EGFR: variants seen among roughly 807,000 people sequenced by gnomAD.
EGFR encodes avian erythroblastic leukemia viral (v-erb-b) oncogene homolog.
In EGFR, 58 loss-of-function variants were observed where a neutral mutation model predicts 143.0. The observed-to-expected ratio is 0.41, with a 90% CI of 0.33 to 0.50. EGFR has a LOEUF of 0.50. Among genes scored for constraint, EGFR ranks in the 20% least tolerant of loss-of-function variants. The probability of loss-of-function intolerance (pLI) is 0.39; values close to 1 mark genes in which losing one functional copy is unlikely to be tolerated. For synonymous variants in EGFR, 613 were observed against 594.4 expected (o/e 1.03, Z -0.45); for missense variants, 1,307 against 1,579.0 (o/e 0.83, Z 2.92).
Position 55,172,045 on chromosome 7 carries a change from C to A in EGFR, c.1919+832C>A, listed in dbSNP as rs17337044. On this transcript the variant is annotated intron_variant, in intron 16 of 27. Transcript: ENST00000275493. ...ACTTCAAAAAGACTGGGTCCCCTTC[C>A]ACTCCCATCTCTTCAGTGAGCTGCT... 2.0e-3 allele frequency among the ~76,000 whole-genome samples: 307 copies of A among 152,304 alleles called. 2 individuals carry two copies. Among genetic ancestry groups the A allele is most frequent in the African/African-American group, 6.5e-3 (270 of 41,552 alleles).
At position 55,152,645 on chromosome 7, in the gene EGFR, C is replaced by G. The variant is rs2128933872; in HGVS notation, c.728C>G (p.Pro243Arg). Residue 243 changes from proline (P) to arginine (R), a missense_variant, in exon 6 of 28, where the codon CCC becomes CGC. Pro to Arg is a moderately radical substitution (Grantham distance 103). This residue lies in a region of EGFR where 311 missense variants were observed against 412.3 expected (regional missense o/e 0.75). Coordinates refer to ENST00000275493, the MANE Select transcript of EGFR (RefSeq NM_005228.5). ...CAGTGTGCTGCAGGCTGCACAGGCC[C>G]CCGGGAGAGCGACTGCCTGGTAAGA... ...HNQCAAGCTG[P>R]RESDCLVCRK... 6.2e-7 allele frequency: 1 copy of G among 1,613,652 alleles called. No individual in the cohort carries two copies. The highest frequency in any genetic ancestry group is 8.5e-7 in the Non-Finnish European group (1 of 1,180,002).
chr7:55,079,324 G>A (rs549036921), intron 1 of EGFR, among the ~76,000 whole-genome samples: 4 of 152,354 alleles, frequency 2.6e-5, no homozygotes, highest in East Asian at 1.9e-4. Context: ...TGTGCAGCGG[G>A]GAAGAGGGGC....
At chr7:55,100,036 C>T (rs1366083207) in intron 1 of EGFR, among the ~76,000 whole-genome samples, 2 of 152,202 alleles carry the variant, frequency 1.3e-5, no homozygotes, top group Non-Finnish European at 2.9e-5. Flanking sequence ...CAGCAGACTG[C>T]CGCCAGTCTT....
chr7:55,060,498 T>G (rs1789103400), intron 1 of EGFR, among the ~76,000 whole-genome samples: 1 of 152,174 alleles, frequency 6.6e-6, no homozygotes, highest in Admixed American at 6.5e-5. Flanking sequence ...ACATCTTAAG[T>G]TGATTTTTTC....
chr7:55,194,845 C>A (rs1787552829), intron 22 of EGFR, among the ~76,000 whole-genome samples: 1 of 152,256 alleles, frequency 6.6e-6, no homozygotes, highest in African/African-American at 2.4e-5. Context: ...CTGGCCTAGG[C>A]AGCCCACTGG....
chr7:55,109,022 T>C (rs1792304900), intron 1 of EGFR, among the ~76,000 whole-genome samples: 1 of 152,146 alleles, frequency 6.6e-6, no homozygotes, highest in African/African-American at 2.4e-5. Flanking sequence ...TCAGTGAGAC[T>C]GCAATAGAGT....
At chr7:55,055,521 A>G (rs17289099) in intron 1 of EGFR, among the ~76,000 whole-genome samples, 16,716 of 152,190 alleles carry the variant, frequency 0.11, 1,992 homozygotes, top group African/African-American at 0.29. Flanking sequence ...TCAGCCCACC[A>G]GCAAGATTTA....
chr7:55,135,905 A>AT (rs1562746960), intron 1 of EGFR, among the ~76,000 whole-genome samples: 1 of 152,130 alleles, frequency 6.6e-6, no homozygotes, highest in Non-Finnish European at 1.5e-5. Flanking sequence ...TTTTTTACAG[A>AT]TTTTTTTAAA....
intron 1 of EGFR, among the ~76,000 whole-genome samples, chr7:55,133,375 T>C (rs1793962443): frequency 6.6e-6 from 1 of 152,140 alleles, no homozygotes; most frequent in Non-Finnish European, 1.5e-5. Flanking sequence ...CCTTGGCACC[T>C]TTCTACTGCC....
chr7:55,163,896 G>A, intron 14 of EGFR, 73 bp downstream of exon 14: 1 of 1,518,182 alleles, frequency 6.6e-7, no homozygotes, highest in South Asian at 1.1e-5. Flanking sequence ...AGTGATGATG[G>A]CCCAGGGCAT....
intron 1 of EGFR, among the ~76,000 whole-genome samples, chr7:55,117,814 G>T (rs1204114104): frequency 2.6e-5 from 4 of 152,200 alleles, no homozygotes; most frequent in Non-Finnish European, 5.9e-5. Flanking sequence ...TTGGTAAAGT[G>T]TATATTTGAG....
rs1787791008 is a variant in EGFR at position 55,200,339 on chromosome 7, C to T, written c.2872C>T (p.Arg958Cys). Residue 958 changes from arginine (R) to cysteine (C), a missense_variant, in exon 24 of 28, where the codon CGC (arginine) becomes TGC (cysteine). Coordinates refer to ENST00000275493, the MANE Select transcript of EGFR (RefSeq NM_005228.5). ...VKCWMIDADS[R>C]PKFRELIIEF... ...AGGCTGGATGATAGACGCAGATAGT[C>T]GCCCAAAGTTCCGTGAGTTGATCAT... is the stretch of plus-strand genomic sequence containing the variant. 2.5e-6 allele frequency: 4 copies of T among 1,614,006 alleles called. No homozygotes were observed. Among genetic ancestry groups the T allele is most frequent in the South Asian group, 1.1e-5 (1 of 91,072 alleles).
chr7:55,049,724 T>C (rs1439671401), intron 1 of EGFR, among the ~76,000 whole-genome samples: 1 of 152,210 alleles, frequency 6.6e-6, no homozygotes, highest in Non-Finnish European at 1.5e-5. Flanking sequence ...TGCTCTTTTA[T>C]TTATAAAATT....
chr7:55,196,346 T>G (rs913700516), intron 22 of EGFR, among the ~76,000 whole-genome samples: 7 of 152,086 alleles, frequency 4.6e-5, no homozygotes, highest in Admixed American at 1.3e-4. Context: ...CTCATGTCCT[T>G]TGCCCACTTT....
chr7:55,158,514 A>G (rs555054689), intron 11 of EGFR, among the ~76,000 whole-genome samples: 1 of 152,314 alleles, frequency 6.6e-6, no homozygotes, highest in South Asian at 2.1e-4. Context: ...ATATGTGGCT[A>G]CCGTTGCTTC....
intron 6 of EGFR, among the ~76,000 whole-genome samples, chr7:55,153,586 G>A (rs182865428): frequency 1.3e-5 from 2 of 152,214 alleles, no homozygotes; most frequent in Admixed American, 6.5e-5. Context: ...TCCTTTACAC[G>A]GCATTGTTCT....
At chr7:55,124,281 A>C (rs1478318727) in intron 1 of EGFR, among the ~76,000 whole-genome samples, 2 of 152,224 alleles carry the variant, frequency 1.3e-5, no homozygotes, top group African/African-American at 2.4e-5. Flanking sequence ...TGATATGAGT[A>C]TATTTCAAAT....
chr7:55,092,770 G>A (rs544501488), intron 1 of EGFR, among the ~76,000 whole-genome samples: 3 of 152,356 alleles, frequency 2.0e-5, no homozygotes, highest in Non-Finnish European at 2.9e-5. Context: ...CTGCCCCGGC[G>A]TCAGCCGCTC....
At chr7:55,110,607 T>C (rs768186318) in intron 1 of EGFR, among the ~76,000 whole-genome samples, 15 of 152,264 alleles carry the variant, frequency 9.9e-5, no homozygotes, top group African/African-American at 2.9e-4. Flanking sequence ...AGGAAGTTCA[T>C]AGGAGACTGT....
Sources: allele counts gnomAD v4.1 joint callset (sites outside exome capture counted in the v4.1 genomes callset), GRCh38; gene constraint gnomAD v4.1.1; regional missense constraint gnomAD v4.1.1; transcripts MANE v1.5; gene names NCBI Gene and HGNC (gene_info 2026-07-23, HGNC 2026-07-21).